Variants in SH3RF2 observed in about 807,000 individuals in gnomAD.
The protein encoded by SH3RF2 is SH3 domain containing ring finger 2, also known as E3 ubiquitin-protein ligase SH3RF2.
A neutral mutation model predicts 59.0 loss-of-function variants in SH3RF2; 43 were observed. The ratio of observed to expected loss-of-function variants is 0.73; its 90% CI spans 0.57 to 0.94. SH3RF2 has a LOEUF of 0.94. Among genes scored for constraint, SH3RF2 ranks in the 40% least tolerant of loss-of-function variants. The probability of loss-of-function intolerance (pLI) is 0.00; values close to 1 mark genes in which losing one functional copy is unlikely to be tolerated. For missense variants in SH3RF2, 930 were observed against 940.1 expected, an observed-to-expected ratio of 0.99 and a Z score of 0.14; for synonymous variants, 391 against 391.5, an observed-to-expected ratio of 1.00 and a Z score of 0.01.
chr5:145,974,321 T>C (rs1249436076), intron 2 of SH3RF2, among the ~76,000 whole-genome samples: 1 of 152,170 alleles, frequency 6.6e-6, no homozygotes, highest in Non-Finnish European at 1.5e-5. Context: ...CTTTTTTATG[T>C]TCCATTGATT....
At chr5:146,011,332 C>A (rs2149991447) in intron 4 of SH3RF2, among the ~76,000 whole-genome samples, 2 of 152,216 alleles carry the variant, frequency 1.3e-5, no homozygotes, top group South Asian at 4.1e-4. Context: ...CAGCTTTGTT[C>A]TTTTGGCTTA....
chr5:145,984,237 T>G (rs1382120434), intron 2 of SH3RF2, among the ~76,000 whole-genome samples: 2 of 152,202 alleles, frequency 1.3e-5, no homozygotes, highest in African/African-American at 2.4e-5. Flanking sequence ...TCATACAGCC[T>G]GCTGCTACAG....
chr5:145,968,347 C>A (rs939048033), intron 2 of SH3RF2, among the ~76,000 whole-genome samples: 1 of 152,100 alleles, frequency 6.6e-6, no homozygotes, highest in Non-Finnish European at 1.5e-5. Context: ...ATCTCTACGG[C>A]AGAATATTAT....
At chr5:145,942,258 T>C (rs1757844843) in intron 2 of SH3RF2, among the ~76,000 whole-genome samples, 1 of 152,238 alleles carries the variant, frequency 6.6e-6, no homozygotes, top group Non-Finnish European at 1.5e-5. Context: ...CTTTCGTTTT[T>C]TCCTGCTTCT....
intron 9 of SH3RF2, among the ~76,000 whole-genome samples, chr5:146,071,660 A>G (rs936903513): frequency 6.6e-6 from 1 of 152,212 alleles, no homozygotes; most frequent in African/African-American, 2.4e-5. Flanking sequence ...AGTAATTAAT[A>G]TAATAGCTGG....
At chr5:145,969,270 T>C (rs973801613) in intron 2 of SH3RF2, among the ~76,000 whole-genome samples, 3 of 152,212 alleles carry the variant, frequency 2.0e-5, no homozygotes, top group African/African-American at 4.8e-5. Flanking sequence ...AAAAGACTTA[T>C]TTATGAAACA....
intron 9 of SH3RF2, among the ~76,000 whole-genome samples, chr5:146,069,320 T>C (rs1031857983): frequency 4.6e-5 from 7 of 152,200 alleles, no homozygotes; most frequent in African/African-American, 1.7e-4. Flanking sequence ...GGAGACCTTG[T>C]TGCTTCTGAA....
chr5:146,043,086 C>T (rs1762183130), intron 5 of SH3RF2: 1 of 152,314 alleles, frequency 6.6e-6, no homozygotes, highest in South Asian at 2.1e-4. Context: ...GACTTGCCTC[C>T]TCAGAAGCTG....
chr5:146,067,375 C>A (rs191577502), downstream of SH3RF2, among the ~76,000 whole-genome samples: 14 of 152,342 alleles, frequency 9.2e-5, no homozygotes, highest in Admixed American at 5.2e-4. Flanking sequence ...CTGCTTCACT[C>A]ACCCACGTGA....
intron 2 of SH3RF2, among the ~76,000 whole-genome samples, chr5:145,965,839 A>G (rs912879953): frequency 1.3e-5 from 2 of 152,232 alleles, no homozygotes; most frequent in East Asian, 3.8e-4. Flanking sequence ...TGTGGTTGGT[A>G]ATAATAAGAA....
At chr5:145,972,149 TACTC>T (rs762276169) in intron 2 of SH3RF2, among the ~76,000 whole-genome samples, 117 of 152,286 alleles carry the variant, frequency 7.7e-4, no homozygotes, top group African/African-American at 2.7e-3. Flanking sequence ...CGTACTGTAC[TACTC>T]ACTATCTGAT....
rs374970146 is a variant in SH3RF2, at chr5:146,014,049, C to A, written c.1047C>A (p.Ser349Arg). Residue 349 changes from serine (S) to arginine (R), a missense_variant, in exon 5 of 10, where the codon AGC becomes AGA. Coordinates refer to ENST00000359120, the MANE Select transcript of SH3RF2 (RefSeq NM_152550.4). ...QPMEKADVPS[S>R]CVGQVSTYHP... ...TGGAGAAAGCAGACGTTCCTTCCAG[C>A]TGTGTGGGACAGGTAGGGAAGAAAC... 2 of 1,613,722 alleles carry A rather than the reference C, an allele frequency of 1.2e-6. No individual in the cohort carries two copies. The highest frequency in any genetic ancestry group is 1.7e-6 in the Non-Finnish European group (2 of 1,179,938).
At chr5:145,963,365 G>C (rs1472899672) in intron 2 of SH3RF2, among the ~76,000 whole-genome samples, 2 of 152,130 alleles carry the variant, frequency 1.3e-5, no homozygotes, top group Non-Finnish European at 2.9e-5. Context: ...GACTCTGGGA[G>C]GCCAAGGCCA....
In SH3RF2 at chr5:145,998,631, A is replaced by G. The variant is rs10054647; in HGVS notation, c.379-1427A>G. ...ATTTCCCAGTGCATATAAAAGTTGT[A>G]TTTGGCTGGGCATGGTGGCTCACGC... On this transcript the variant is annotated intron_variant, in intron 2 of 9. Transcript: ENST00000359120. Among the ~76,000 whole-genome samples, 1,483 of 152,316 alleles carry G rather than the reference A, an allele frequency of 9.7e-3. 17 individuals carry two copies. Among genetic ancestry groups the G allele is most frequent in the African/African-American group, 0.034 (1,394 of 41,568 alleles).
intron 2 of SH3RF2, among the ~76,000 whole-genome samples, chr5:145,981,076 C>G (rs1477611664): frequency 6.6e-6 from 1 of 152,198 alleles, no homozygotes; most frequent in South Asian, 2.1e-4. Context: ...CAGTCAGTGT[C>G]TAAATTTCCT....
intron 4 of SH3RF2, among the ~76,000 whole-genome samples, chr5:146,013,525 C>T (rs533938707): frequency 4.6e-5 from 7 of 152,276 alleles, no homozygotes; most frequent in Admixed American, 4.6e-4. Context: ...AAGAGTAATA[C>T]TTACTTTGCA....
rs1761004905 is a variant in SH3RF2, at chr5:146,013,846, A to G, written c.844A>G (p.Thr282Ala). 10 of 1,614,162 alleles carry G rather than the reference A, an allele frequency of 6.2e-6. No homozygotes were observed. In the East Asian group the frequency reaches 2.2e-4, roughly 36 times the overall value. ...SLVSSSSRGN[T>A]STLRRGPGSR... ...GGTGTCCTCGTCCTCCAGAGGCAAC[A>G]CGTCTACCCTCCGTAGGGGCCCAGG... The change falls in exon 5 of 10, where the codon ACG (threonine) becomes GCG (alanine). Residue 282 changes from threonine (T) to alanine (A), a missense_variant. Transcript: ENST00000359120.
intron 5 of SH3RF2, among the ~76,000 whole-genome samples, chr5:146,034,711 A>G (rs1761868309): frequency 6.6e-6 from 1 of 152,226 alleles, no homozygotes; most frequent in Admixed American, 6.5e-5. Context: ...AGACACGCCA[A>G]CAAGAAGGTA....
At chr5:145,986,558 T>C (rs1759713905) in intron 2 of SH3RF2, among the ~76,000 whole-genome samples, 1 of 152,118 alleles carries the variant, frequency 6.6e-6, no homozygotes, top group Admixed American at 6.5e-5. Flanking sequence ...TCTCCACAGG[T>C]GCCCTGTGCC....
Sources: gnomAD v4.1 joint callset for allele counts (sites outside exome capture counted in the v4.1 genomes callset) on GRCh38, gnomAD v4.1.1 for gene constraint, MANE v1.5 for transcripts, NCBI Gene and HGNC (gene_info 2026-07-23, HGNC 2026-07-21) for gene names.